The following STUM variants were observed in gnomAD, a reference collection of about 807,000 sequenced individuals.
The protein encoded by STUM is stum, mechanosensory transduction mediator homolog.
In STUM, 8 loss-of-function variants were observed where a neutral mutation model predicts 15.3. The observed-to-expected ratio is 0.52, with a 90% CI of 0.31 to 0.94. The LOEUF is 0.94. Ranked by LOEUF, STUM falls within the 40% of genes least tolerant of loss-of-function variation. STUM has a pLI of 0.05. For synonymous variants in STUM, 78 were observed against 88.7 expected (o/e 0.88, Z 0.68); for missense variants, 142 against 204.9 (o/e 0.69, Z 1.87).
Position 226,608,422 on chromosome 1 carries a change from T to C in STUM, c.*6382T>C, listed in dbSNP as rs1053123957. 6.6e-6 allele frequency: 1 copy of C among 152,138 alleles called. No homozygotes were observed. The highest frequency in any genetic ancestry group is 2.4e-5 in the African/African-American group (1 of 41,426). The allele number at this position is 152,138 out of a possible 1,614,324, so 9.4% of individuals were successfully genotyped here. ...CCTTTTCATTGGCTGAGTTCCCTGC[T>C]GTTGTGCGTGGTGCCATTTTTTTTT... On this transcript the variant is annotated 3_prime_UTR_variant, in exon 4 of 4. Coordinates refer to ENST00000366788, the MANE Select transcript of STUM (RefSeq NM_001003665.4). The surrounding 1 kb of genome is among the most constrained non-coding windows in gnomAD (Gnocchi z 4.0).
At chr1:226,558,138 T>C (rs751783854) in intron 1 of STUM, among the ~76,000 whole-genome samples, 2 of 151,984 alleles carry the variant, frequency 1.3e-5, no homozygotes, top group Admixed American at 6.5e-5. Flanking sequence ...GCCAGAGCAA[T>C]TGGGCAAGAG....
At chr1:226,580,172 G>A (rs1460587645) in intron 1 of STUM, among the ~76,000 whole-genome samples, 2 of 152,284 alleles carry the variant, frequency 1.3e-5, no homozygotes, top group East Asian at 3.9e-4. Flanking sequence ...GTGGGAGGAG[G>A]AGCCATGGGG....
chr1:226,548,970 C>G lies in STUM; in HGVS notation c.66C>G (p.Pro22=), dbSNP rs1258538859. ...CGGCGGCGGTGGCGGCGGCGGACCC[C>G]CGGGGGGCGTCCTCGTCCAGCGGGG... is the stretch of plus-strand genomic sequence containing the variant. The part of the protein sequence containing the change: ...AAAAAVAAAD[P]RGASSSSGVV... Residue 22 remains proline (P), a synonymous_variant, in exon 1 of 4, where the codon CCC becomes CCG. Coordinates refer to ENST00000366788, the MANE Select transcript of STUM (RefSeq NM_001003665.4). The G allele has an allele frequency of 6.6e-7, 1 of 1,510,268 alleles. No homozygotes were observed. Among genetic ancestry groups the G allele is most frequent in the Non-Finnish European group, 8.8e-7 (1 of 1,130,940 alleles). 93.6% of individuals were successfully genotyped at this position (1,510,268 alleles called of 1,614,324 possible).
rs1216100263 is a variant in STUM at position 226,609,071 on chromosome 1, C to T, written c.*7031C>T. On this transcript the variant is annotated 3_prime_UTR_variant, in exon 4 of 4. Transcript: ENST00000366788. ...ATGTACATATTTATACATACACACA[C>T]CTTCCTATTATAAATATATAAAGCA... 6.6e-6 allele frequency: 1 copy of T among 152,360 alleles called. No individual in the cohort carries two copies. Among genetic ancestry groups the T allele is most frequent in the Non-Finnish European group, 1.5e-5 (1 of 68,028 alleles). The allele number at this position is 152,360 out of a possible 1,614,324, so 9.4% of individuals were successfully genotyped here.
intron 2 of STUM, among the ~76,000 whole-genome samples, chr1:226,598,455 G>A (rs1393740001): frequency 6.6e-6 from 1 of 152,166 alleles, no homozygotes; most frequent in Non-Finnish European, 1.5e-5. Flanking sequence ...CACAGGGTAG[G>A]TCTCAATAAT....
At chr1:226,595,931 A>G (rs1018247703) in intron 1 of STUM, among the ~76,000 whole-genome samples, 2 of 152,204 alleles carry the variant, frequency 1.3e-5, no homozygotes, top group East Asian at 1.9e-4. Flanking sequence ...GCTTTTAACC[A>G]TGAGGTTTGG....
intron 1 of STUM, among the ~76,000 whole-genome samples, chr1:226,594,962 G>A (rs1042386665): frequency 3.9e-5 from 6 of 152,226 alleles, no homozygotes; most frequent in African/African-American, 1.4e-4. Context: ...AGCCCTGGAA[G>A]GGGACTTATG....
At chr1:226,591,391 G>C (rs954386294) in intron 1 of STUM, among the ~76,000 whole-genome samples, 14 of 152,192 alleles carry the variant, frequency 9.2e-5, no homozygotes, top group African/African-American at 3.1e-4. Context: ...ATGAGTAAAA[G>C]AAGGAGCAGA....
At chr1:226,553,299 A>C (rs1667398697) in intron 1 of STUM, among the ~76,000 whole-genome samples, 1 of 152,214 alleles carries the variant, frequency 6.6e-6, no homozygotes, top group African/African-American at 2.4e-5. Context: ...TATTATTAGG[A>C]CACTGCAAAA....
intron 1 of STUM, among the ~76,000 whole-genome samples, chr1:226,558,196 AT>A (rs1667480485): frequency 1.3e-5 from 2 of 152,236 alleles, no homozygotes; most frequent in South Asian, 4.1e-4. Flanking sequence ...TGAAATTGTC[AT>A]TGCTGATGAC....
chr1:226,568,119 G>A (rs1667652118), intron 1 of STUM, among the ~76,000 whole-genome samples: 1 of 152,180 alleles, frequency 6.6e-6, no homozygotes, highest in Non-Finnish European at 1.5e-5. Flanking sequence ...GCTCCACTAT[G>A]CACAGTCTCA....
rs1447235461 is a variant in STUM, at chr1:226,570,709, C to T, written c.202+21603C>T. Among the ~76,000 whole-genome samples the T allele has an allele frequency of 3.3e-5, 5 of 152,250 alleles. No homozygotes were observed. In the East Asian group the frequency reaches 9.7e-4, roughly 29 times the overall value. ...AGCATCCAAACAAATGATCATTTAT[C>T]CTTCATATGTGAAGGGTGAGGGCTG... On this transcript the variant is annotated intron_variant, in intron 1 of 3. Coordinates refer to ENST00000366788, the MANE Select transcript of STUM (RefSeq NM_001003665.4).
intron 1 of STUM, among the ~76,000 whole-genome samples, chr1:226,561,634 T>C (rs1667544040): frequency 6.6e-6 from 1 of 152,144 alleles, no homozygotes; most frequent in Non-Finnish European, 1.5e-5. Flanking sequence ...ACTTTCCAGT[T>C]GTGTAGCTAA....
chr1:226,554,678 C>T (rs966479412), intron 1 of STUM, among the ~76,000 whole-genome samples: 1 of 152,150 alleles, frequency 6.6e-6, no homozygotes, highest in Non-Finnish European at 1.5e-5. Flanking sequence ...CATCAGAATT[C>T]CCAGTCTTTC....
At chr1:226,586,612 T>C (rs1668002476) in intron 1 of STUM, among the ~76,000 whole-genome samples, 3 of 152,280 alleles carry the variant, frequency 2.0e-5, no homozygotes, top group Admixed American at 2.0e-4. Context: ...CATCATGTTG[T>C]AGGCTCTCAC....
In STUM at chr1:226,549,009, C is replaced by T. The variant is rs568144907; in HGVS notation, c.105C>T (p.Val35=). 475 of 1,575,294 alleles carry T rather than the reference C, an allele frequency of 3.0e-4. 2 individuals are homozygous for T. In the Admixed American group the frequency reaches 3.2e-3, roughly 11 times the overall value. ...ASSSSGVVVQ[V]REKKGPLRAA... ...CGTCCAGCGGGGTGGTGGTGCAGGT[C>T]CGCGAGAAGAAGGGCCCCCTGCGCG... The change falls in exon 1 of 4, where the codon GTC becomes GTT. Residue 35 remains valine, a synonymous_variant. Transcript: ENST00000366788. The surrounding 1 kb of genome is among the most constrained non-coding windows in gnomAD (Gnocchi z 6.8).
intron 1 of STUM, among the ~76,000 whole-genome samples, chr1:226,580,749 T>C (rs2102701442): frequency 6.6e-6 from 1 of 152,294 alleles, no homozygotes; most frequent in East Asian, 1.9e-4. Context: ...CAGCTGTGTG[T>C]CTGGATCCAT....
intron 1 of STUM, among the ~76,000 whole-genome samples, chr1:226,568,480 T>G (rs1667656649): frequency 1.3e-5 from 2 of 152,232 alleles, no homozygotes; most frequent in Non-Finnish European, 2.9e-5. Flanking sequence ...AGAGTGGGAA[T>G]TGGAACCAGA....
chr1:226,559,842 G>A (rs1667508945), intron 1 of STUM, among the ~76,000 whole-genome samples: 2 of 152,138 alleles, frequency 1.3e-5, no homozygotes, highest in East Asian at 1.9e-4. Context: ...GCATGGTGGC[G>A]GGTGCCTGTA....
Sources: allele counts gnomAD v4.1 joint callset (sites outside exome capture counted in the v4.1 genomes callset), GRCh38; gene constraint gnomAD v4.1.1; non-coding constraint Gnocchi (gnomAD v3.1); transcripts MANE v1.5; gene names NCBI Gene and HGNC (gene_info 2026-07-23, HGNC 2026-07-21).